The following THOC2 variants were observed in gnomAD, a reference collection of about 807,000 sequenced individuals.
THOC2 encodes THO complex 2.
THOC2 carries 10 observed loss-of-function variants against 128.4 expected under a neutral mutation model. That is an observed-to-expected ratio of 0.08 (90% confidence interval 0.05 to 0.13). The LOEUF is 0.13. Among genes scored for constraint, THOC2 ranks in the 10% least tolerant of loss-of-function variants. The probability of loss-of-function intolerance (pLI) is 1.00; values close to 1 mark genes in which losing one functional copy is unlikely to be tolerated. For missense variants in THOC2, 535 were observed against 1,155.7 expected (o/e 0.46, Z 7.79); for synonymous variants, 393 against 396.9 (o/e 0.99, Z 0.12).
intron 1 of THOC2, among the ~76,000 whole-genome samples, chrX:123,715,691 G>A (rs753094408): frequency 1.9e-5 from 2 of 106,981 alleles, no homozygotes; most frequent in East Asian, 6.0e-4. Context: ...GGGCTGAGGC[G>A]GGAGGATCAC....
intron 12 of THOC2, among the ~76,000 whole-genome samples, chrX:123,662,731 A>C (rs1200666857): frequency 8.9e-6 from 1 of 112,156 alleles, no homozygotes; most frequent in African/African-American, 3.2e-5. Context: ...AAGGCCTTGC[A>C]TCCAGAATAA....
intron 4 of THOC2, among the ~76,000 whole-genome samples, chrX:123,697,961 A>G (rs1016367174): frequency 3.6e-5 from 4 of 111,909 alleles, no homozygotes; most frequent in African/African-American, 1.3e-4. Context: ...TGACAGATCC[A>G]TAAAACAGTA....
intron 7 of THOC2, among the ~76,000 whole-genome samples, chrX:123,693,514 C>T (rs1476271469): frequency 9.0e-6 from 1 of 111,384 alleles, no homozygotes; most frequent in Non-Finnish European, 1.9e-5. Context: ...GAGGAAATCA[C>T]CTAGTCAGAG....
chrX:123,710,172 T>C (rs2051123203), intron 2 of THOC2, among the ~76,000 whole-genome samples: 1 of 110,772 alleles, frequency 9.0e-6, no homozygotes, highest in Non-Finnish European at 1.9e-5. Context: ...AGCCAAGGAG[T>C]ATATGTGTTA....
At chrX:123,724,513 C>T (rs1450511937) in intron 1 of THOC2, among the ~76,000 whole-genome samples, 1 of 109,023 alleles carries the variant, frequency 9.2e-6, no homozygotes, top group Non-Finnish European at 1.9e-5. Context: ...GATGAAACCT[C>T]GTCTCCACTA....
intron 12 of THOC2, among the ~76,000 whole-genome samples, chrX:123,660,352 A>G (rs1265708384): frequency 8.9e-6 from 1 of 111,998 alleles, no homozygotes; most frequent in African/African-American, 3.2e-5. Flanking sequence ...TAACCAAAGA[A>G]TTTCAGAACA....
intron 25 of THOC2, among the ~76,000 whole-genome samples, chrX:123,625,446 T>C (rs2047233818): frequency 9.0e-6 from 1 of 111,371 alleles, no homozygotes; most frequent in Non-Finnish European, 1.9e-5. Context: ...AAAAGCTAAA[T>C]GCAAAATGTG....
At chrX:123,603,255 C>T (rs2046350934) in intron 38 of THOC2, 2 of 147,438 alleles carry the variant, frequency 1.4e-5, no homozygotes, top group South Asian at 2.1e-4. Flanking sequence ...TGTTAAAACA[C>T]GTCAAGAACG....
At chrX:123,668,436 T>C in intron 9 of THOC2, 122 bp from the exon 10 acceptor site, 1 of 423,981 alleles carries the variant, frequency 2.4e-6, no homozygotes, top group East Asian at 4.3e-5. Flanking sequence ...TTCGTGACCA[T>C]TTGCCTTCTA....
intron 23 of THOC2, among the ~76,000 whole-genome samples, chrX:123,627,085 G>A (rs1467486360): frequency 8.9e-6 from 1 of 112,248 alleles, no homozygotes; most frequent in Non-Finnish European, 1.9e-5. Flanking sequence ...TCTTTTTTAA[G>A]TACCATTTTT....
rs754421549 is a variant in THOC2 at position 123,611,364 on chromosome X, A to G, written c.4754+76T>C. 9.6e-5 allele frequency: 75 copies of G among 782,512 alleles called. No individual in the cohort carries two copies. In the East Asian group the frequency reaches 2.4e-3, roughly 25 times the overall value. 64.5% of individuals were successfully genotyped at this position (782,512 alleles called of 1,213,427 possible). ...TTAAGCATATAAACCACATACTAAAAGAGTACAATTGTAAACATGACCAGT... is the reference window on the plus strand; with the variant it reads ...TTAAGCATATAAACCACATACTAAAGGAGTACAATTGTAAACATGACCAGT... On this transcript the variant is annotated intron_variant, in intron 37 of 38. Coordinates refer to ENST00000245838, the MANE Select transcript of THOC2 (RefSeq NM_001081550.2).
At chrX:123,688,955 C>A (rs758414824) in intron 7 of THOC2, among the ~76,000 whole-genome samples, 1 of 111,877 alleles carries the variant, frequency 8.9e-6, no homozygotes, top group Non-Finnish European at 1.9e-5. Flanking sequence ...AATTAACACT[C>A]TATCACAGAA....
At chrX:123,706,419 G>A (rs1462445127) in intron 3 of THOC2, among the ~76,000 whole-genome samples, 5 of 109,661 alleles carry the variant, frequency 4.6e-5, no homozygotes, top group African/African-American at 1.0e-4. Flanking sequence ...TGTGCACAAC[G>A]TGCAGGTTTG....
intron 15 of THOC2, 91 bp from the exon 16 acceptor site, chrX:123,640,713 C>T: frequency 2.2e-6 from 1 of 463,462 alleles, no homozygotes; most frequent in Non-Finnish European, 3.6e-6. Flanking sequence ...GGGGAAAAAG[C>T]AATTATTCCC....
At chrX:123,671,420 C>T (rs2147818029) in intron 9 of THOC2, among the ~76,000 whole-genome samples, 1 of 112,081 alleles carries the variant, frequency 8.9e-6, no homozygotes, top group South Asian at 3.7e-4. Context: ...ACTTAAACTC[C>T]ATAAAGGTGA....
intron 1 of THOC2, among the ~76,000 whole-genome samples, chrX:123,717,683 T>A: frequency 1.8e-5 from 1 of 55,337 alleles, no homozygotes. Context: ...TCCTAAAATT[T>A]ATATGGAACC....
At chrX:123,692,506 T>G (rs1263354406) in intron 7 of THOC2, among the ~76,000 whole-genome samples, 18 of 94,740 alleles carry the variant, frequency 1.9e-4, no homozygotes, top group African/African-American at 7.0e-4. Context: ...TTTTTTTTTT[T>G]TTTTTTTTTT....
intron 8 of THOC2, among the ~76,000 whole-genome samples, chrX:123,679,172 C>T (rs976077883): frequency 9.0e-6 from 1 of 111,295 alleles, no homozygotes; most frequent in Non-Finnish European, 1.9e-5. Context: ...TTGGTCTGCA[C>T]CCCTTTGTAG....
chrX:123,704,728 T>C (rs1472051122), intron 3 of THOC2, among the ~76,000 whole-genome samples: 2 of 111,033 alleles, frequency 1.8e-5, no homozygotes, highest in African/African-American at 6.5e-5. Flanking sequence ...TGTGGTGGCA[T>C]GCGCCTGTAA....
Sources: allele counts gnomAD v4.1 joint callset (sites outside exome capture counted in the v4.1 genomes callset), GRCh38; gene constraint gnomAD v4.1.1; transcripts MANE v1.5; gene names NCBI Gene and HGNC (gene_info 2026-07-23, HGNC 2026-07-21).